MTA2: variants seen among roughly 807,000 people sequenced by gnomAD.
MTA2 encodes the protein metastasis-associated protein MTA2.
MTA2 carries 22 observed loss-of-function variants against 87.1 expected under a neutral mutation model. That is an observed-to-expected ratio of 0.25 (90% CI 0.18 to 0.36). MTA2 has a LOEUF of 0.36. MTA2 is among the 10% of genes least tolerant of loss of function. The pLI, the probability that MTA2 is intolerant of heterozygous loss-of-function variation, is 1.00. For missense variants in MTA2, 542 were observed against 853.2 expected, an observed-to-expected ratio of 0.64 and a Z score of 4.54; for synonymous variants, 314 against 310.1, an observed-to-expected ratio of 1.01 and a Z score of -0.13.
intron 1 of MTA2, 49 bp downstream of exon 1, chr11:62,601,373 AC>A: frequency 6.3e-7 from 1 of 1,599,476 alleles, no homozygotes; most frequent in Non-Finnish European, 8.5e-7. Flanking sequence ...TCAGGTCCCT[AC>A]CCCAACCTCT....
chr11:62,601,546 C>G lies in MTA2; in HGVS notation c.-96G>C, dbSNP rs12226821. The stretch of plus-strand genomic sequence containing the variant: ...AGGCAAAGCCCCGAACGGTGGGCTG[C>G]CGCTTCGAGGGAGTCTCACTGGGGC... On this transcript the variant is annotated 5_prime_UTR_variant, in exon 1 of 18. Transcript: ENST00000278823. 388,275 of 1,440,200 alleles carry G rather than the reference C, an allele frequency of 0.27. 55,851 individuals are homozygous for G. Among genetic ancestry groups the G allele is most frequent in the Non-Finnish European group, 0.3 (321,619 of 1,073,016 alleles). 89.2% of individuals were successfully genotyped at this position (1,440,200 alleles called of 1,614,324 possible). A position where few individuals can be genotyped will look rare whatever the true frequency, so the allele number is the denominator to read the frequency against.
At position 62,594,296 on chromosome 11, in the gene MTA2, G is replaced by T. The variant is rs1309945532; in HGVS notation, c.1804C>A (p.Pro602Thr). ...GTGGCCACAAACACCACAGGATTGG[G>T]GGCATCAGCTGGGTTTAGTTTCTGA... ...KRQKLNPADA[P>T]NPVVFVATKD... Residue 602 changes from proline (P) to threonine (T), a missense_variant, in exon 17 of 18, where the codon CCC becomes ACC. By Grantham distance (38) the Pro-to-Thr change is conservative. This residue lies in a region of MTA2 where 269 missense variants were observed against 346.4 expected (regional missense o/e 0.78). Coordinates refer to ENST00000278823, the MANE Select transcript of MTA2 (RefSeq NM_004739.4). 1 of 1,614,068 alleles carries T rather than the reference G, an allele frequency of 6.2e-7. No homozygotes were observed. The highest frequency in any genetic ancestry group is 8.5e-7 in the Non-Finnish European group (1 of 1,180,046).
intron 11 of MTA2, 46 bp downstream of exon 11, chr11:62,596,233 G>C (rs1942096540): frequency 1.9e-6 from 3 of 1,607,292 alleles, no homozygotes; most frequent in Non-Finnish European, 1.7e-6. Context: ...ACAAGTTAGG[G>C]GAAGGGAAGG....
At position 62,595,359 on chromosome 11, in the gene MTA2, C is replaced by T. The variant is rs1590729701; in HGVS notation, c.1388G>A (p.Arg463His). 1.2e-6 allele frequency: 2 copies of T among 1,614,226 alleles called. No individual in the cohort carries two copies. Among genetic ancestry groups the T allele is most frequent in the Non-Finnish European group, 1.7e-6 (2 of 1,180,046 alleles). ...TFLLQTTKLT[R>H]LARRMCRDLL... The stretch of plus-strand genomic sequence containing the variant: ...GTCCCTGCACATGCGTCTGGCAAGA[C>T]GGGTCAGCTTTGTGGTCTGAAGCAG... Residue 463 changes from arginine (R) to histidine (H), a missense_variant, in exon 14 of 18, where the codon CGT becomes CAT. By Grantham distance (29) the Arg-to-His change is conservative. Transcript: ENST00000278823. This position sits in a 1 kb window ranked among gnomAD's most constrained non-coding sequence, Gnocchi z 4.9.
Position 62,598,014 on chromosome 11 carries a change from T to A in MTA2, c.490+10A>T, listed in dbSNP as rs1284225645. 6.2e-7 allele frequency: 1 copy of A among 1,607,162 alleles called. No homozygotes were observed. Among genetic ancestry groups the A allele is most frequent in the Admixed American group, 1.7e-5 (1 of 60,002 alleles). ...ACCTGGTAGCCGTACAGTCTTGTCC[T>A]GTTGCTTACCCTCTACTAGGCGATC... On this transcript the variant is annotated intron_variant, in intron 6 of 17. Transcript: ENST00000278823.
Position 62,594,017 on chromosome 11 carries a change from T to C in MTA2, c.1865A>G (p.His622Arg). 4 of 1,610,898 alleles carry C rather than the reference T, an allele frequency of 2.5e-6. No individual in the cohort carries two copies. Among genetic ancestry groups the C allele is most frequent in the Non-Finnish European group, 3.4e-6 (4 of 1,178,222 alleles). ...DTRALRKALT[H>R]LEMRRAARRP... ...GCGAGCAGCTCGCCGCATTTCCAGATGGGTCAGAGCCTTCCGTAGGGCCCT... is the reference window on the plus strand; with the variant it reads ...GCGAGCAGCTCGCCGCATTTCCAGACGGGTCAGAGCCTTCCGTAGGGCCCT... The change falls in exon 18 of 18, where the codon CAT becomes CGT. Residue 622 changes from histidine (H) to arginine (R), a missense_variant. His to Arg is a conservative substitution (Grantham distance 29). Transcript: ENST00000278823.
Position 62,598,372 on chromosome 11 carries a change from G to A in MTA2, c.327C>T (p.Thr109=), listed in dbSNP as rs890699668. The change falls in exon 5 of 18, where the codon ACC becomes ACT. Residue 109 remains threonine (T), a synonymous_variant. Transcript: ENST00000278823. The part of the protein sequence containing the change: ...ATHIRGKCSV[T]LLNETDILSQ... ...TCAAGATATCTGTCTCATTCAAGAG[G>A]GTCACACTGCATTTCCCCCTATAGG... 6.2e-7 allele frequency: 1 copy of A among 1,613,962 alleles called. No individual in the cohort carries two copies. Among genetic ancestry groups the A allele is most frequent in the South Asian group, 1.1e-5 (1 of 91,062 alleles).
chr11:62,594,275 C>T lies in MTA2; in HGVS notation c.1825G>A (p.Ala609Thr), dbSNP rs765202232. 6.2e-7 allele frequency: 1 copy of T among 1,614,182 alleles called. No individual in the cohort carries two copies. Among genetic ancestry groups the T allele is most frequent in the Non-Finnish European group, 8.5e-7 (1 of 1,180,046 alleles). ...ADAPNPVVFVATKDTRALRKA... is the reference protein window; with the variant it reads ...ADAPNPVVFVTTKDTRALRKA... ...ACGCCTTACCTGGTATCCTTTGTGG[C>T]CACAAACACCACAGGATTGGGGGCA... The change falls in exon 17 of 18, where the codon GCC (alanine) becomes ACC (threonine). Residue 609 changes from alanine (A) to threonine (T), a missense_variant. By Grantham distance (58) the Ala-to-Thr change is moderately conservative. Transcript: ENST00000278823.
intron 3 of MTA2, chr11:62,599,224 A>G (rs1942141565): frequency 6.5e-6 from 1 of 153,838 alleles, no homozygotes; most frequent in Non-Finnish European, 1.4e-5. Flanking sequence ...TAACCTGGCT[A>G]GGCGCCAACC....
chr11:62,601,335 C>A (rs929769644), intron 1 of MTA2, 88 bp downstream of exon 1: 1 of 1,505,744 alleles, frequency 6.6e-7, no homozygotes, highest in Non-Finnish European at 9.1e-7. Flanking sequence ...CCATACGCTG[C>A]GCCTCGCGCC....
At chr11:62,597,794 C>T (rs1299392299) in intron 6 of MTA2, 82 bp from the exon 7 acceptor site, 8 of 1,149,112 alleles carry the variant, frequency 7.0e-6, no homozygotes, top group Non-Finnish European at 9.0e-6. Flanking sequence ...AGCACCTCCT[C>T]CTTCTCTTCT....
At chr11:62,597,531 T>C (rs1401319973) in intron 7 of MTA2, 79 bp downstream of exon 7, 1 of 1,504,986 alleles carries the variant, frequency 6.6e-7, no homozygotes, top group East Asian at 2.3e-5. Flanking sequence ...AGAAATAAAG[T>C]CCATCTCTAA....
At chr11:62,596,428 A>G (rs762031072) in intron 10 of MTA2, 30 bp downstream of exon 10, 3 of 1,613,218 alleles carry the variant, frequency 1.9e-6, no homozygotes, top group Admixed American at 3.3e-5. Flanking sequence ...CAGGTAGCCT[A>G]TGGTCCACCC....
intron 2 of MTA2, 25 bp from the exon 3 acceptor site, chr11:62,600,284 C>A: frequency 2.5e-6 from 4 of 1,595,218 alleles, no homozygotes; most frequent in Non-Finnish European, 3.4e-6. Flanking sequence ...AAAACAAAAA[C>A]AAAACAACGT....
At chr11:62,594,208 C>A in intron 17 of MTA2, 51 bp downstream of exon 17, 1 of 1,608,118 alleles carries the variant, frequency 6.2e-7, no homozygotes, top group Non-Finnish European at 8.5e-7. Context: ...ACTCCCCACA[C>A]TCACCAGCCT....
At position 62,600,190 on chromosome 11, in the gene MTA2, T is replaced by C; in HGVS notation, c.166A>G (p.Asn56Asp). Residue 56 changes from asparagine to aspartate, a missense_variant, in exon 3 of 18, where the codon AAC becomes GAC. Around this residue, in one of 6 missense-constraint regions of MTA2, gnomAD observed 150 missense variants for 243.9 expected, o/e 0.62. Transcript: ENST00000278823. Reference protein sequence around the residue: ...FRRRDISSSLNSLADSNAREF... With the variant: ...FRRRDISSSLDSLADSNAREF... ...CTGGCATTACTATCAGCCAGGCTGT[T>C]GAGGCTACTAGAAATGTCCCTGCGC... The C allele has an allele frequency of 6.2e-7, 1 of 1,614,196 alleles. No individual in the cohort carries two copies. Among genetic ancestry groups the C allele is most frequent in the Non-Finnish European group, 8.5e-7 (1 of 1,180,028 alleles).
At chr11:62,600,091 G>C in intron 3 of MTA2, 75 bp downstream of exon 3, 1 of 1,382,006 alleles carries the variant, frequency 7.2e-7, no homozygotes, top group Non-Finnish European at 1.0e-6. Context: ...CATGCTACCA[G>C]GGGAAATACC....
At position 62,596,031 on chromosome 11, in the gene MTA2, G is replaced by A. The variant is rs370608745; in HGVS notation, c.1093C>T (p.Leu365=). Residue 365 remains leucine (L), a synonymous_variant, in exon 12 of 18, where the codon CTG becomes TTG. Transcript: ENST00000278823. The part of the protein sequence containing the change: ...GMNGAGFQKG[L]TCESCHTTQS... ...TCACTGTGGCAACTCTCACAAGTCA[G>A]GCCCTTCTGAAATCCAGCCCCATTC... 8 of 1,614,044 alleles carry A rather than the reference G, an allele frequency of 5.0e-6. No homozygotes were observed. In the African/African-American group the frequency reaches 1.1e-4, roughly 22 times the overall value.
intron 2 of MTA2, 125 bp downstream of exon 2, chr11:62,600,497 C>T (rs1307442127): frequency 1.0e-6 from 1 of 956,792 alleles, no homozygotes. Context: ...TTCCTGAATA[C>T]ATCCAATGAA....
Sources: gnomAD v4.1 joint callset for allele counts on GRCh38, gnomAD v4.1.1 for gene constraint, gnomAD v4.1.1 regional missense constraint, Gnocchi (gnomAD v3.1) non-coding constraint, MANE v1.5 for transcripts, NCBI Gene and HGNC (gene_info 2026-07-23, HGNC 2026-07-21) for gene names.